The following KLHL1 variants were observed in gnomAD, a reference collection of about 807,000 sequenced individuals.
KLHL1 encodes kelch-like protein 1.
KLHL1 carries 47 observed loss-of-function variants against 77.7 expected under a neutral mutation model. The observed-to-expected ratio is 0.60, with a 90% CI of 0.48 to 0.77. The LOEUF is 0.77. Ranked by LOEUF, KLHL1 falls within the 30% of genes least tolerant of loss-of-function variation. The pLI is 0.00. For synonymous variants in KLHL1, 360 were observed against 325.2 expected (o/e 1.11, Z -1.15); for missense variants, 925 against 910.8 (o/e 1.02, Z -0.20).
intron 1 of KLHL1, among the ~76,000 whole-genome samples, chr13:69,990,541 C>T (rs1885002583): frequency 6.6e-6 from 1 of 151,978 alleles, no homozygotes; most frequent in Non-Finnish European, 1.5e-5. Context: ...GCACAAAAGA[C>T]TTTAAACCAA....
chr13:69,947,873 AG>A (rs2137250041), intron 3 of KLHL1, among the ~76,000 whole-genome samples: 1 of 152,286 alleles, frequency 6.6e-6, no homozygotes, highest in African/African-American at 2.4e-5. Context: ...CTTTTAAAAA[AG>A]CATGAAAACT....
chr13:69,813,664 A>C (rs1200651141), intron 6 of KLHL1, among the ~76,000 whole-genome samples: 1 of 152,152 alleles, frequency 6.6e-6, no homozygotes, highest in African/African-American at 2.4e-5. Context: ...TCCACAAAAA[A>C]ATAAAATACC....
rs369539602 is a variant in KLHL1 at position 70,013,334 on chromosome 13, T to C, written c.498-37532A>G. Among the ~76,000 whole-genome samples, 219 of 152,314 alleles carry C rather than the reference T, an allele frequency of 1.4e-3. No homozygotes were observed. The South Asian group carries it at 0.02, about 14-fold the overall frequency. On this transcript the variant is annotated intron_variant, in intron 1 of 10. Transcript: ENST00000377844. ...ACCCGTCAGCAAATACCAATGGTAA[T>C]GATATATTACATGGCTACTCTACTT...
chr13:69,764,254 C>CT (rs1454870470), intron 7 of KLHL1, among the ~76,000 whole-genome samples: 1 of 152,190 alleles, frequency 6.6e-6, no homozygotes, highest in Non-Finnish European at 1.5e-5. Flanking sequence ...AGGCAAATGT[C>CT]CAGCTGTCAC....
In KLHL1 at chr13:70,073,830, TTC is replaced by T. The variant is rs759349421; in HGVS notation, c.497+33371_497+33372del. On this transcript the variant is annotated intron_variant, in intron 1 of 10. Coordinates refer to ENST00000377844, the MANE Select transcript of KLHL1 (RefSeq NM_020866.3). ...GAAATGCAGGAGAGCAAACATAATT[TTC>T]TTTTTTTTTTGAGATGGAGTCTCGC... Among the ~76,000 whole-genome samples, 114 of 142,792 alleles carry T rather than the reference TTC, an allele frequency of 8.0e-4. 1 individual carries two copies. Among genetic ancestry groups the T allele is most frequent in the Middle Eastern group, 3.6e-3 (1 of 274 alleles). 93.7% of individuals were successfully genotyped at this position (142,792 alleles called of 152,430 possible).
intron 4 of KLHL1, among the ~76,000 whole-genome samples, chr13:69,930,791 T>C (rs1882976495): frequency 1.3e-5 from 2 of 151,726 alleles, no homozygotes; most frequent in African/African-American, 4.8e-5. Flanking sequence ...CTAAGGCCAT[T>C]ATAGAATTCA....
intron 1 of KLHL1, among the ~76,000 whole-genome samples, chr13:70,094,202 C>T (rs1407601648): frequency 1.3e-5 from 2 of 151,912 alleles, no homozygotes; most frequent in African/African-American, 2.4e-5. Context: ...TGGCAGCATG[C>T]ACCTGTAGTC....
At chr13:69,913,102 C>G (rs1305533792) in intron 4 of KLHL1, among the ~76,000 whole-genome samples, 1 of 152,166 alleles carries the variant, frequency 6.6e-6, no homozygotes, top group East Asian at 1.9e-4. Context: ...CCCAGCTATG[C>G]CTTTCTCCCT....
intron 5 of KLHL1, among the ~76,000 whole-genome samples, chr13:69,867,904 A>G (rs1300028943): frequency 6.6e-6 from 1 of 151,708 alleles, no homozygotes; most frequent in African/African-American, 2.4e-5. Flanking sequence ...CTAATGTTAA[A>G]TAACGAGTTA....
intron 6 of KLHL1, among the ~76,000 whole-genome samples, chr13:69,834,801 T>G (rs1015024715): frequency 1.3e-5 from 2 of 152,102 alleles, no homozygotes; most frequent in Non-Finnish European, 2.9e-5. Context: ...GTTTTGAATA[T>G]TTGCTAATAA....
chr13:70,048,855 G>C (rs961344966), intron 1 of KLHL1, among the ~76,000 whole-genome samples: 3 of 152,188 alleles, frequency 2.0e-5, no homozygotes, highest in East Asian at 3.9e-4. Flanking sequence ...GTGGGCTGCG[G>C]GTTGGGGACC....
intron 1 of KLHL1, among the ~76,000 whole-genome samples, chr13:70,097,452 T>A (rs1887819507): frequency 6.6e-6 from 1 of 151,958 alleles, no homozygotes; most frequent in South Asian, 2.1e-4. Flanking sequence ...CTGTCTAACA[T>A]CACCTAATCT....
chr13:69,933,892 T>TTTTG (rs2138286462), intron 4 of KLHL1, among the ~76,000 whole-genome samples: 1 of 152,200 alleles, frequency 6.6e-6, no homozygotes, highest in East Asian at 1.9e-4. Flanking sequence ...GGAATTCATA[T>TTTTG]TTTGTGTCTC....
intron 5 of KLHL1, among the ~76,000 whole-genome samples, chr13:69,843,891 G>C (rs1191334009): frequency 1.3e-5 from 2 of 151,548 alleles, no homozygotes; most frequent in African/African-American, 4.8e-5. Flanking sequence ...TGCCATGTTG[G>C]TGTGCTGCAC....
chr13:69,870,817 G>A (rs577155097), intron 5 of KLHL1, among the ~76,000 whole-genome samples: 14 of 151,812 alleles, frequency 9.2e-5, no homozygotes, highest in Admixed American at 6.6e-4. Flanking sequence ...CTCTATGTCC[G>A]GCACCTGGGG....
intron 4 of KLHL1, among the ~76,000 whole-genome samples, chr13:69,938,079 G>C (rs1301595381): frequency 2.6e-5 from 4 of 152,118 alleles, no homozygotes; most frequent in Non-Finnish European, 5.9e-5. Context: ...AGATTGGGTA[G>C]ATTAGATGAG....
rs1481211062 is a variant in KLHL1 at position 69,886,554 on chromosome 13, GC to G, written c.1015-4060del. Among the ~76,000 whole-genome samples, 4 of 151,708 alleles carry G rather than the reference GC, an allele frequency of 2.6e-5. No homozygotes were observed. In the East Asian group the frequency reaches 7.8e-4, roughly 29 times the overall value. On this transcript the variant is annotated intron_variant, in intron 4 of 10. Transcript: ENST00000377844. ...AATATAAATTTTTATATGAAAATTA[GC>G]TGAAACCTAATGGTAATATTGTATC...
intron 4 of KLHL1, chr13:69,894,552 G>A (rs1032244528): frequency 6.4e-6 from 1 of 155,068 alleles, no homozygotes; most frequent in Non-Finnish European, 1.4e-5. Context: ...AAACACAATG[G>A]AAGGTGCATA....
intron 1 of KLHL1, among the ~76,000 whole-genome samples, chr13:70,042,836 C>T (rs1010327844): frequency 6.6e-6 from 1 of 152,100 alleles, no homozygotes; most frequent in Non-Finnish European, 1.5e-5. Context: ...CTAGTCATTG[C>T]CCCTGAAGAC....
Sources: allele counts gnomAD v4.1 joint callset (sites outside exome capture counted in the v4.1 genomes callset), GRCh38; gene constraint gnomAD v4.1.1; transcripts MANE v1.5; gene names NCBI Gene and HGNC (gene_info 2026-07-23, HGNC 2026-07-21).